The following WTAP variants were observed in gnomAD, a reference collection of about 807,000 sequenced individuals.
The protein encoded by WTAP is pre-mRNA-splicing regulator WTAP.
A neutral mutation model predicts 50.0 loss-of-function variants in WTAP; 8 were observed. The observed-to-expected ratio is 0.16, with a 90% CI of 0.09 to 0.29. The LOEUF (loss-of-function observed/expected upper bound fraction) is 0.29, where lower values mean the gene tolerates loss of function less well. Ranked by LOEUF, WTAP falls within the 10% of genes least tolerant of loss-of-function variation. The pLI is 1.00. For missense variants in WTAP, 295 were observed against 470.7 expected, an observed-to-expected ratio of 0.63 and a Z score of 3.45; for synonymous variants, 194 against 169.0, an observed-to-expected ratio of 1.15 and a Z score of -1.15.
intron 1 of WTAP, among the ~76,000 whole-genome samples, chr6:159,731,661 C>T (rs996170086): frequency 3.9e-5 from 6 of 152,078 alleles, no homozygotes; most frequent in African/African-American, 1.4e-4. Flanking sequence ...GGAGAAGAAA[C>T]TATTAATTAA....
At chr6:159,727,091 C>T (rs924908996), upstream of WTAP, 107 of 1,195,272 alleles carry the variant, frequency 9.0e-5, no homozygotes, top group African/African-American at 1.6e-3. Context: ...GACCTCCGAC[C>T]TCGCTGGCCC....
chr6:159,727,758 G>T (rs1449386092), intron 1 of WTAP, 55 bp downstream of exon 1: 6 of 980,390 alleles, frequency 6.1e-6, no homozygotes, highest in Non-Finnish European at 7.3e-6. Context: ...GGGCCTGAGG[G>T]CTGATGCGCA....
At chr6:159,734,825 G>T (rs1778805652) in intron 1 of WTAP, among the ~76,000 whole-genome samples, 1 of 151,930 alleles carries the variant, frequency 6.6e-6, no homozygotes, top group Non-Finnish European at 1.5e-5. Flanking sequence ...TGTTTGTCAG[G>T]TTAGCTCTTC....
intron 1 of WTAP, among the ~76,000 whole-genome samples, chr6:159,735,176 T>A (rs924114570): frequency 2.6e-5 from 4 of 152,224 alleles, no homozygotes; most frequent in African/African-American, 9.6e-5. Flanking sequence ...GGAGTCTCTG[T>A]TGCCCAGGCT....
Position 159,731,207 on chromosome 6 carries a change from G to C in WTAP, c.-9+3504G>C, listed in dbSNP as rs138899541. On this transcript the variant is annotated intron_variant, in intron 1 of 7. Coordinates refer to ENST00000621533, the MANE Select transcript of WTAP (RefSeq NM_001270531.2). ...CTGGGCATGGTGGCTCACAACTGTA[G>C]TCCCAGCACTTTTGGAGGCCCAAGC... Among the ~76,000 whole-genome samples, 80 of 151,826 alleles carry C rather than the reference G, an allele frequency of 5.3e-4. 1 individual carries two copies. The East Asian group carries it at 0.014, about 27-fold the overall frequency.
rs1401704761 is a variant in WTAP at position 159,748,864 on chromosome 6, G to T, written c.452+495G>T. 1 of 1,209,208 alleles carries T rather than the reference G, an allele frequency of 8.3e-7. No individual in the cohort carries two copies. Among genetic ancestry groups the T allele is most frequent in the Non-Finnish European group, 1.0e-6 (1 of 973,828 alleles). The allele number at this position is 1,209,208 out of a possible 1,614,324, so 74.9% of individuals were successfully genotyped here. A position where few individuals can be genotyped will look rare whatever the true frequency, so the allele number is the denominator to read the frequency against. The stretch of plus-strand genomic sequence containing the variant: ...GAGCATAGTGACTTAGAGACACTGT[G>T]TATCAGTTTTGCCAATAAGACTGTG... On this transcript the variant is annotated intron_variant, in intron 6 of 7. Transcript: ENST00000621533. The surrounding 1 kb of genome is among the most constrained non-coding windows in gnomAD (Gnocchi z 5.6).
chr6:159,750,729 AATTT>A (rs1779787668), intron 6 of WTAP, among the ~76,000 whole-genome samples: 1 of 152,200 alleles, frequency 6.6e-6, no homozygotes, highest in East Asian at 1.9e-4. Context: ...AAGGAATCAT[AATTT>A]ATTTGAATCA....
chr6:159,732,886 AGTGTGTGT>A (rs67554039), intron 1 of WTAP, among the ~76,000 whole-genome samples: 108 of 146,488 alleles, frequency 7.4e-4, no homozygotes, highest in African/African-American at 2.2e-3. Flanking sequence ...ATATATATAT[AGTGTGTGT>A]GTGTGTGTGT....
chr6:159,745,002 C>T (rs1779490241), intron 5 of WTAP: 1 of 152,214 alleles, frequency 6.6e-6, no homozygotes, highest in Non-Finnish European at 1.5e-5. Flanking sequence ...TCTCTACCTT[C>T]TTAACACATT....
Position 159,753,630 on chromosome 6 carries a change from C to G in WTAP, c.607+16C>G. The G allele has an allele frequency of 4.4e-6, 7 of 1,587,956 alleles. No individual in the cohort carries two copies. The highest frequency in any genetic ancestry group is 5.1e-6 in the Non-Finnish European group (6 of 1,167,744). On this transcript the variant is annotated intron_variant, in intron 7 of 7. Coordinates refer to ENST00000621533, the MANE Select transcript of WTAP (RefSeq NM_001270531.2). ...AGTCAGGATGGTAAGGGGTTTGTTT[C>G]TTTTTGGAACGTTGTCTCAACTTTG...
intron 2 of WTAP, 99 bp downstream of exon 2, chr6:159,736,394 G>C (rs1239036156): frequency 1.0e-6 from 1 of 959,116 alleles, no homozygotes; most frequent in East Asian, 2.4e-5. Flanking sequence ...GATTATCGTT[G>C]TTTGCTTATT....
At chr6:159,730,490 G>T (rs1038331746) in intron 1 of WTAP, among the ~76,000 whole-genome samples, 4 of 152,068 alleles carry the variant, frequency 2.6e-5, no homozygotes, top group Non-Finnish European at 5.9e-5. Flanking sequence ...CGGTACATTC[G>T]TGTGGTGTGA....
intron 3 of WTAP, among the ~76,000 whole-genome samples, chr6:159,739,994 G>A (rs1025560072): frequency 6.6e-6 from 1 of 151,810 alleles, no homozygotes. Flanking sequence ...ACTCAATGCT[G>A]GGTTTTTTTT....
At position 159,748,374 on chromosome 6, in the gene WTAP, A is replaced by T; in HGVS notation, c.452+5A>T. 1 of 1,613,552 alleles carries T rather than the reference A, an allele frequency of 6.2e-7. No homozygotes were observed. The highest frequency in any genetic ancestry group is 8.5e-7 in the Non-Finnish European group (1 of 1,179,496). On this transcript the variant is annotated splice_donor_5th_base_variant and intron_variant, in intron 6 of 7. Transcript: ENST00000621533. The surrounding 1 kb of genome is among the most constrained non-coding windows in gnomAD (Gnocchi z 5.6). ...CTGGAAGTTTACGCCTGATAGGTAA[A>T]CAAATCATACTCCCCAGTCAAGACT...
intron 1 of WTAP, among the ~76,000 whole-genome samples, chr6:159,733,839 C>G (rs1321375300): frequency 6.6e-6 from 1 of 152,130 alleles, no homozygotes; most frequent in African/African-American, 2.4e-5. Context: ...TTGCTTGAAC[C>G]CAGGAGGCGG....
At chr6:159,754,989 T>C (rs778297971) in intron 7 of WTAP, 39 bp from the exon 8 acceptor site, 41 of 1,540,822 alleles carry the variant, frequency 2.7e-5, no homozygotes, top group Admixed American at 2.6e-4. Context: ...TTCAATGTTA[T>C]AAACGATATT....
chr6:159,749,209 T>A (rs1305827723), intron 6 of WTAP: 1 of 985,724 alleles, frequency 1.0e-6, no homozygotes, highest in South Asian at 4.7e-5. Flanking sequence ...ATTATAAACA[T>A]TCATTTCACA....
chr6:159,745,664 AC>A (rs1270892017), intron 5 of WTAP, among the ~76,000 whole-genome samples: 1 of 152,186 alleles, frequency 6.6e-6, no homozygotes, highest in Non-Finnish European at 1.5e-5. Flanking sequence ...AGAGGGGACT[AC>A]TGAAGAATTC....
chr6:159,727,211 T>A, upstream of WTAP: 1 of 1,255,228 alleles, frequency 8.0e-7, no homozygotes, highest in Non-Finnish European at 1.0e-6. Flanking sequence ...GAGCAGCTGC[T>A]CCATTGTGCC....
Sources: gnomAD v4.1 joint callset for allele counts (sites outside exome capture counted in the v4.1 genomes callset) on GRCh38, gnomAD v4.1.1 for gene constraint, Gnocchi (gnomAD v3.1) non-coding constraint, MANE v1.5 for transcripts, NCBI Gene and HGNC (gene_info 2026-07-23, HGNC 2026-07-21) for gene names.